The following THSD4 variants were observed in gnomAD, a reference collection of about 807,000 sequenced individuals.
THSD4 encodes the protein thrombospondin type 1 domain containing 4.
A neutral mutation model predicts 119.0 loss-of-function variants in THSD4; 69 were observed. The ratio of observed to expected loss-of-function variants is 0.58; its 90% CI spans 0.48 to 0.71. The LOEUF is 0.71. THSD4 is among the 30% of genes least tolerant of loss of function. The pLI is 0.00. For synonymous variants in THSD4, 524 were observed against 540.4 expected (o/e 0.97, Z 0.42); for missense variants, 1,393 against 1,391.1 (o/e 1.00, Z -0.02).
At chr15:71,510,623 C>T (rs1567014743) in intron 7 of THSD4, among the ~76,000 whole-genome samples, 1 of 152,160 alleles carries the variant, frequency 6.6e-6, no homozygotes, top group Non-Finnish European at 1.5e-5. Flanking sequence ...ATGCTGCTGC[C>T]TGGATTAGGG....
chr15:71,587,488 T>C (rs1254172350), intron 7 of THSD4, among the ~76,000 whole-genome samples: 2 of 115,072 alleles, frequency 1.7e-5, no homozygotes, highest in Non-Finnish European at 3.9e-5. Flanking sequence ...ATGGATGAAA[T>C]TGGAAACCAT....
chr15:71,271,441 A>G (rs1170145738), intron 6 of THSD4, among the ~76,000 whole-genome samples: 1 of 152,222 alleles, frequency 6.6e-6, no homozygotes, highest in Admixed American at 6.5e-5. Context: ...GTGGTGATAG[A>G]AATCAGAACA....
At chr15:71,225,551 C>CTTTT (rs748966344) in intron 4 of THSD4, among the ~76,000 whole-genome samples, 7 of 41,230 alleles carry the variant, frequency 1.7e-4, no homozygotes, top group Admixed American at 3.0e-4. Flanking sequence ...TTTTTTTTTT[C>CTTTT]TTTTTTTTTT....
At chr15:71,671,170 G>A in intron 8 of THSD4, among the ~76,000 whole-genome samples, 1 of 152,142 alleles carries the variant, frequency 6.6e-6, no homozygotes, top group Non-Finnish European at 1.5e-5. Flanking sequence ...TTTAATGATT[G>A]CCATTCTAAC....
intron 7 of THSD4, among the ~76,000 whole-genome samples, chr15:71,416,318 C>A (rs1204933358): frequency 8.9e-6 from 1 of 111,856 alleles, no homozygotes; most frequent in Non-Finnish European, 2.0e-5. Context: ...CTCTTCGATA[C>A]ACTGATTTCT....
At chr15:71,247,356 T>C (rs1407639367) in intron 5 of THSD4, among the ~76,000 whole-genome samples, 1 of 152,110 alleles carries the variant, frequency 6.6e-6, no homozygotes, top group Middle Eastern at 3.2e-3. Context: ...GTTGATTGCG[T>C]GGGGTGAGGT....
At chr15:71,447,514 C>G (rs1479327894) in intron 7 of THSD4, among the ~76,000 whole-genome samples, 1 of 152,164 alleles carries the variant, frequency 6.6e-6, no homozygotes, top group Non-Finnish European at 1.5e-5. Flanking sequence ...ACCTCTCTTC[C>G]TTTTGATGCC....
At chr15:71,748,703 T>TG (rs1015626117) in intron 14 of THSD4, 109 bp downstream of exon 14, 5 of 1,374,766 alleles carry the variant, frequency 3.6e-6, no homozygotes, top group Non-Finnish European at 4.9e-6. Flanking sequence ...TTTCTGGCTC[T>TG]GGGGGGAAAA....
chr15:71,717,566 T>C (rs2052632660), intron 8 of THSD4, among the ~76,000 whole-genome samples: 1 of 142,992 alleles, frequency 7.0e-6, no homozygotes, highest in African/African-American at 2.6e-5. Context: ...TAAAAAAAAA[T>C]CTTGAGAAAC....
In THSD4 at chr15:71,180,933, T is replaced by TA. The variant is rs199874722; in HGVS notation, c.99+26010dup. Among the ~76,000 whole-genome samples, 187 of 150,114 alleles carry TA rather than the reference T, an allele frequency of 1.2e-3. 3 individuals carry two copies. The South Asian group carries it at 0.014, about 11-fold the overall frequency. On this transcript the variant is annotated intron_variant, in intron 3 of 17. Transcript: ENST00000261862. ...TACTTTATGTATGTTATACCTCAAT[T>TA]AAAAAAAAAGAGGAGAAGGAAAAGG...
At chr15:71,657,659 G>A (rs113366716) in intron 7 of THSD4, among the ~76,000 whole-genome samples, 4,313 of 152,184 alleles carry the variant, frequency 0.028, 213 homozygotes, top group African/African-American at 0.097. Context: ...CATGGCTCCC[G>A]GTAGACAGGC....
intron 6 of THSD4, among the ~76,000 whole-genome samples, chr15:71,288,298 GGAAATA>G (rs1449769861): frequency 6.6e-6 from 1 of 152,126 alleles, no homozygotes; most frequent in African/African-American, 2.4e-5. Flanking sequence ...ACAGCAACAA[GGAAATA>G]CCAGCTTGGA....
chr15:71,334,525 AT>A (rs1224850242), intron 6 of THSD4, among the ~76,000 whole-genome samples: 1 of 152,094 alleles, frequency 6.6e-6, no homozygotes, highest in African/African-American at 2.4e-5. Flanking sequence ...TGTTCATGTC[AT>A]TTTCTCATTC....
chr15:71,180,624 G>T (rs1008552267), intron 3 of THSD4, among the ~76,000 whole-genome samples: 1 of 152,128 alleles, frequency 6.6e-6, no homozygotes, highest in Non-Finnish European at 1.5e-5. Flanking sequence ...AGCAACAACC[G>T]AAATAATTTC....
chr15:71,490,918 C>T lies in THSD4; in HGVS notation c.1152+79095C>T, dbSNP rs191708336. Among the ~76,000 whole-genome samples the T allele has an allele frequency of 1.6e-3, 245 of 152,252 alleles. 2 individuals carry two copies. The highest frequency in any genetic ancestry group is 5.5e-3 in the African/African-American group (227 of 41,540). Reference sequence around the variant, plus strand: ...AGAGTTGAATAATGGCAATAGATGCCAGGTGGCCTGCCAAGCCTGAAATAT... The same window carrying T: ...AGAGTTGAATAATGGCAATAGATGCTAGGTGGCCTGCCAAGCCTGAAATAT... On this transcript the variant is annotated intron_variant, in intron 7 of 17. Coordinates refer to ENST00000261862, the MANE Select transcript of THSD4 (RefSeq NM_024817.3).
intron 6 of THSD4, among the ~76,000 whole-genome samples, chr15:71,400,050 T>C (rs948776231): frequency 1.3e-5 from 2 of 152,210 alleles, no homozygotes; most frequent in African/African-American, 2.4e-5. Context: ...AAGAAATTTT[T>C]GTTCACTGTT....
At chr15:71,244,979 C>T (rs1334907145) in intron 5 of THSD4, among the ~76,000 whole-genome samples, 1 of 152,160 alleles carries the variant, frequency 6.6e-6, no homozygotes, top group Non-Finnish European at 1.5e-5. Flanking sequence ...TTGTAAAGCC[C>T]GCCCCTTTTG....
chr15:71,131,673 T>C, intron 1 of THSD4, among the ~76,000 whole-genome samples: 1 of 152,234 alleles, frequency 6.6e-6, no homozygotes, highest in East Asian at 1.9e-4. Flanking sequence ...TGGCTAGTTT[T>C]TCACCAGAAG....
At chr15:71,639,438 CACA>C (rs1376481546) in intron 7 of THSD4, among the ~76,000 whole-genome samples, 1 of 152,120 alleles carries the variant, frequency 6.6e-6, no homozygotes, top group East Asian at 1.9e-4. Flanking sequence ...AATTCCACTC[CACA>C]AGGGTCTGGG....
Sources: allele counts gnomAD v4.1 joint callset (sites outside exome capture counted in the v4.1 genomes callset), GRCh38; gene constraint gnomAD v4.1.1; transcripts MANE v1.5; gene names NCBI Gene and HGNC (gene_info 2026-07-23, HGNC 2026-07-21).